The following TMEM132C variants were observed in gnomAD, a reference collection of about 807,000 sequenced individuals.
TMEM132C encodes transmembrane protein 132C.
Under a neutral mutation model 61.4 loss-of-function variants are expected in TMEM132C, and 29 were observed. That is an observed-to-expected ratio of 0.47 (90% CI 0.35 to 0.64). TMEM132C has a LOEUF of 0.64. TMEM132C is among the 30% of genes least tolerant of loss of function. The pLI is 0.00. For missense variants in TMEM132C, 1,408 were observed against 1,476.9 expected, an observed-to-expected ratio of 0.95 and a Z score of 0.76; for synonymous variants, 656 against 633.1, an observed-to-expected ratio of 1.04 and a Z score of -0.54.
rs560769755 is a variant in TMEM132C, at chr12:128,301,439, G to T, written c.85+33952G>T. Among the ~76,000 whole-genome samples, 10 of 152,224 alleles carry T rather than the reference G, an allele frequency of 6.6e-5. No individual in the cohort carries two copies. The East Asian group carries it at 1.3e-3, about 21-fold the overall frequency. On this transcript the variant is annotated intron_variant, in intron 1 of 8. Coordinates refer to ENST00000435159, the MANE Select transcript of TMEM132C (RefSeq NM_001136103.3). ...GAATTAAATATATCGAAATTTATTA[G>T]TAGTAGTATTAGTATTAGCGTTGCC...
intron 4 of TMEM132C, among the ~76,000 whole-genome samples, chr12:128,664,119 C>T (rs1377871239): frequency 6.8e-6 from 1 of 147,650 alleles, no homozygotes; most frequent in Admixed American, 6.7e-5. Flanking sequence ...CACGCACCCG[C>T]ACGCACGCGG....
intron 1 of TMEM132C, among the ~76,000 whole-genome samples, chr12:128,306,463 A>C (rs983615422): frequency 6.6e-6 from 1 of 152,030 alleles, no homozygotes; most frequent in Non-Finnish European, 1.5e-5. Flanking sequence ...CGGCCTCCCA[A>C]AGTGCTGGGA....
intron 1 of TMEM132C, among the ~76,000 whole-genome samples, chr12:128,338,998 C>T (rs564243370): frequency 6.6e-6 from 1 of 152,182 alleles, no homozygotes; most frequent in East Asian, 1.9e-4. Flanking sequence ...ATTTAAGGTT[C>T]TTCTGTGTCT....
Position 128,604,700 on chromosome 12 carries a change from G to C in TMEM132C, c.1122-11452G>C, listed in dbSNP as rs146359984. Among the ~76,000 whole-genome samples the C allele has an allele frequency of 2.0e-3, 302 of 152,032 alleles. 2 individuals carry two copies. The highest frequency in any genetic ancestry group is 6.8e-3 in the African/African-American group (280 of 41,376). On this transcript the variant is annotated intron_variant, in intron 3 of 8. Transcript: ENST00000435159. ...ATCATAGAGGGGTAGATAGATAATA[G>C]ATGGCTAGATAGATAAATAATAGAT... is the stretch of plus-strand genomic sequence containing the variant.
chr12:128,531,769 A>G (rs1873316152), intron 2 of TMEM132C, among the ~76,000 whole-genome samples: 1 of 152,144 alleles, frequency 6.6e-6, no homozygotes, highest in Admixed American at 6.5e-5. Context: ...TAGTTTAGGA[A>G]AAATCAAAGG....
intron 2 of TMEM132C, among the ~76,000 whole-genome samples, chr12:128,512,078 C>T (rs1035666998): frequency 6.6e-6 from 1 of 152,158 alleles, no homozygotes; most frequent in African/African-American, 2.4e-5. Context: ...TCCTACCGCA[C>T]TGCCAGTTTT....
At chr12:128,507,086 A>G (rs1393737618) in intron 2 of TMEM132C, among the ~76,000 whole-genome samples, 1 of 152,048 alleles carries the variant, frequency 6.6e-6, no homozygotes, top group Non-Finnish European at 1.5e-5. Context: ...AGATTAATTT[A>G]AAGTGTTTGG....
intron 1 of TMEM132C, among the ~76,000 whole-genome samples, chr12:128,281,967 G>C (rs1020600402): frequency 6.6e-6 from 1 of 152,192 alleles, no homozygotes; most frequent in Non-Finnish European, 1.5e-5. Flanking sequence ...ATTGGAGTTG[G>C]ATTCTCTTTC....
intron 1 of TMEM132C, among the ~76,000 whole-genome samples, chr12:128,292,863 C>T (rs1871289234): frequency 6.6e-6 from 1 of 152,126 alleles, no homozygotes; most frequent in South Asian, 2.1e-4. Context: ...AGTTTTCTTT[C>T]ATAAACAGAA....
chr12:128,485,385 C>T (rs1019444603), intron 2 of TMEM132C, among the ~76,000 whole-genome samples: 1 of 152,160 alleles, frequency 6.6e-6, no homozygotes, highest in African/African-American at 2.4e-5. Flanking sequence ...CCATGTTGGC[C>T]AGGCTGGTCT....
In TMEM132C at chr12:128,267,376, GGGCTGCGTGAGC is replaced by G; in HGVS notation, c.-23_-12del. 1 of 1,086,438 alleles carries G rather than the reference GGGCTGCGTGAGC, an allele frequency of 9.2e-7. No homozygotes were observed. The highest frequency in any genetic ancestry group is 1.1e-6 in the Non-Finnish European group (1 of 896,138). The allele number at this position is 1,086,438 out of a possible 1,614,324, so 67.3% of individuals were successfully genotyped here. ...GGGCGCTGCGCTTCGGGCTGGCGGC[GGGCTGCGTGAGC>G]GGCCGGGACGCAGGATGCGCTCCGA... On this transcript the variant is annotated 5_prime_UTR_variant, in exon 1 of 9. The change abolishes the stop of an existing upstream ORF in the 5' untranslated region. Coordinates refer to ENST00000435159, the MANE Select transcript of TMEM132C (RefSeq NM_001136103.3).
At chr12:128,641,136 A>G (rs1385209414) in intron 4 of TMEM132C, among the ~76,000 whole-genome samples, 7 of 152,152 alleles carry the variant, frequency 4.6e-5, no homozygotes, top group African/African-American at 1.7e-4. Context: ...CTGACACTAG[A>G]CGGTGCCCCC....
rs142380745 is a variant in TMEM132C at position 128,512,749 on chromosome 12, C to T, written c.975-31208C>T. Among the ~76,000 whole-genome samples the T allele has an allele frequency of 4.1e-3, 619 of 152,186 alleles. 5 individuals are homozygous for T. The highest frequency in any genetic ancestry group is 0.014 in the African/African-American group (586 of 41,516). ...TTGCCGCTGTGAAGTGGCACTGTTC[C>T]GCACCCACCAACATGAGAGAGAGCC... On this transcript the variant is annotated intron_variant, in intron 2 of 8. Transcript: ENST00000435159.
rs1489543653 is a variant in TMEM132C, at chr12:128,326,274, G to A, written c.85+58787G>A. On this transcript the variant is annotated intron_variant, in intron 1 of 8. Coordinates refer to ENST00000435159, the MANE Select transcript of TMEM132C (RefSeq NM_001136103.3). The surrounding 1 kb of genome is among the most constrained non-coding windows in gnomAD (Gnocchi z 5.6). ...TTCCTCCCCACCACCATCACTCCAT[G>A]AACCCCCCAGCCTCCCTGGGCTCTT... 6.6e-6 allele frequency among the ~76,000 whole-genome samples: 1 copy of A among 152,068 alleles called. No individual in the cohort carries two copies. Among genetic ancestry groups the A allele is most frequent in the Admixed American group, 6.6e-5 (1 of 15,256 alleles).
intron 8 of TMEM132C, among the ~76,000 whole-genome samples, chr12:128,698,558 T>G (rs1042864151): frequency 6.6e-6 from 1 of 152,204 alleles, no homozygotes; most frequent in Non-Finnish European, 1.5e-5. Flanking sequence ...CATTTGCAAA[T>G]TAAATTAGGC....
chr12:128,578,553 A>G (rs542661558), intron 3 of TMEM132C, among the ~76,000 whole-genome samples: 2 of 152,114 alleles, frequency 1.3e-5, no homozygotes, highest in Non-Finnish European at 2.9e-5. Flanking sequence ...CTTTCCTCCT[A>G]TTAAACTTAC....
intron 1 of TMEM132C, among the ~76,000 whole-genome samples, chr12:128,298,473 C>T (rs566225145): frequency 6.6e-6 from 1 of 152,168 alleles, no homozygotes; most frequent in South Asian, 2.1e-4. Context: ...TACAGAGAGC[C>T]CCAAGTCCCC....
intron 2 of TMEM132C, among the ~76,000 whole-genome samples, chr12:128,496,833 G>A (rs141756476): frequency 5.9e-5 from 9 of 152,310 alleles, no homozygotes; most frequent in Non-Finnish European, 7.3e-5. Context: ...CTCTCAACTC[G>A]TCAAAGTCAT....
At chr12:128,665,619 AGG>A (rs1491482360) in intron 4 of TMEM132C, among the ~76,000 whole-genome samples, 139 of 118,796 alleles carry the variant, frequency 1.2e-3, no homozygotes, top group African/African-American at 5.5e-3. Flanking sequence ...ACCCAAACAC[AGG>A]CACACACACA....
Sources: allele counts gnomAD v4.1 joint callset (sites outside exome capture counted in the v4.1 genomes callset), GRCh38; gene constraint gnomAD v4.1.1; non-coding constraint Gnocchi (gnomAD v3.1); transcripts MANE v1.5; gene names NCBI Gene and HGNC (gene_info 2026-07-23, HGNC 2026-07-21).